ZMAT4: variants seen among roughly 807,000 people sequenced by gnomAD.
ZMAT4 encodes the protein zinc finger matrin-type protein 4.
In ZMAT4, 17 loss-of-function variants were observed where a neutral mutation model predicts 28.7. The observed-to-expected ratio is 0.59, with a 90% CI of 0.41 to 0.89. The LOEUF (loss-of-function observed/expected upper bound fraction) is 0.89. Ranked by LOEUF, ZMAT4 falls within the 40% of genes least tolerant of loss-of-function variation. The pLI is 0.00. For missense variants in ZMAT4, 240 were observed against 283.8 expected (o/e 0.85, Z 1.11); for synonymous variants, 117 against 109.2 (o/e 1.07, Z -0.44).
At chr8:40,684,411 C>A (rs1368921203) in intron 4 of ZMAT4, among the ~76,000 whole-genome samples, 1 of 152,220 alleles carries the variant, frequency 6.6e-6, no homozygotes, top group Non-Finnish European at 1.5e-5. Flanking sequence ...CACTGGCACT[C>A]CCAATGCCCA....
chr8:40,539,036 G>A (rs764209864), intron 6 of ZMAT4, among the ~76,000 whole-genome samples: 5 of 151,914 alleles, frequency 3.3e-5, no homozygotes, highest in African/African-American at 4.8e-5. Flanking sequence ...CACCCGCCTT[G>A]GCCTCCCAAA....
chr8:40,540,077 C>T (rs1367403690), intron 6 of ZMAT4, among the ~76,000 whole-genome samples: 1 of 152,194 alleles, frequency 6.6e-6, no homozygotes, highest in African/African-American at 2.4e-5. Context: ...CACCAAAGCT[C>T]AGTTGAGTGA....
chr8:40,559,932 C>A (rs1803678148), intron 6 of ZMAT4, among the ~76,000 whole-genome samples: 3 of 151,994 alleles, frequency 2.0e-5, no homozygotes, highest in Admixed American at 1.3e-4. Context: ...CCTTTGGGAT[C>A]AAACTTATGC....
intron 2 of ZMAT4, among the ~76,000 whole-genome samples, chr8:40,808,237 C>T (rs1445822860): frequency 6.8e-6 from 1 of 147,972 alleles, no homozygotes; most frequent in Middle Eastern, 3.2e-3. Flanking sequence ...TAATACTTTC[C>T]TTTCCCTTCA....
rs7830534 is a variant in ZMAT4 at position 40,614,629 on chromosome 8, T to C, written c.578-33368A>G. On this transcript the variant is annotated intron_variant, in intron 5 of 6. Coordinates refer to ENST00000297737, the MANE Select transcript of ZMAT4 (RefSeq NM_024645.3). ...TGCTCCTGTACTGGGTGCATATATA[T>C]TTAGGATAGTTAGCTCTTCTTGTTG... is the stretch of plus-strand genomic sequence containing the variant. 6.9e-3 allele frequency among the ~76,000 whole-genome samples: 1,057 copies of C among 152,360 alleles called. 9 individuals carry two copies. The highest frequency in any genetic ancestry group is 0.024 in the African/African-American group (985 of 41,582).
At chr8:40,658,436 C>T (rs1310771937) in intron 5 of ZMAT4, among the ~76,000 whole-genome samples, 1 of 151,968 alleles carries the variant, frequency 6.6e-6, no homozygotes, top group Non-Finnish European at 1.5e-5. Flanking sequence ...ATTCTGTTCC[C>T]CTGTGATGTG....
rs2150473179 is a variant in ZMAT4, at chr8:40,674,615, C to G, written c.577+89G>C. On this transcript the variant is annotated intron_variant, in intron 5 of 6. Coordinates refer to ENST00000297737, the MANE Select transcript of ZMAT4 (RefSeq NM_024645.3). Reference sequence around the variant, plus strand: ...CTCACTTTTTCCTTAATAATTAAAGCAAGAAGAAGAATCATTCCGATTTGT... The same window carrying G: ...CTCACTTTTTCCTTAATAATTAAAGGAAGAAGAAGAATCATTCCGATTTGT... The G allele has an allele frequency of 2.8e-6, 3 of 1,072,782 alleles. No individual in the cohort carries two copies. The East Asian group carries it at 7.2e-5, about 26-fold the overall frequency. The allele number at this position is 1,072,782 out of a possible 1,614,324, so 66.5% of individuals were successfully genotyped here.
intron 3 of ZMAT4, among the ~76,000 whole-genome samples, chr8:40,718,929 TC>T (rs1045840107): frequency 6.6e-6 from 1 of 152,118 alleles, no homozygotes; most frequent in Non-Finnish European, 1.5e-5. Context: ...TTTCCAAGGT[TC>T]CCCTGTGGCA....
chr8:40,711,213 AT>A (rs374258270), intron 3 of ZMAT4, among the ~76,000 whole-genome samples: 1 of 152,178 alleles, frequency 6.6e-6, no homozygotes, highest in African/African-American at 2.4e-5. Context: ...AGAATGAAGT[AT>A]TTTTTTCTGC....
intron 2 of ZMAT4, among the ~76,000 whole-genome samples, chr8:40,782,552 A>T (rs1813883407): frequency 6.6e-6 from 1 of 152,162 alleles, no homozygotes; most frequent in African/African-American, 2.4e-5. Flanking sequence ...CAAATATCTC[A>T]ATTAAAATCA....
intron 2 of ZMAT4, among the ~76,000 whole-genome samples, chr8:40,772,038 T>A (rs1280707798): frequency 6.6e-6 from 1 of 152,144 alleles, no homozygotes; most frequent in Admixed American, 6.6e-5. Context: ...AAAGAACCAT[T>A]ACATTAAGGG....
intron 5 of ZMAT4, among the ~76,000 whole-genome samples, chr8:40,621,910 G>A (rs1806214605): frequency 1.3e-5 from 2 of 152,136 alleles, no homozygotes; most frequent in Non-Finnish European, 1.5e-5. Context: ...TATTTCAGTT[G>A]TGGCAGAACT....
chr8:40,568,626 T>C (rs778961062), intron 6 of ZMAT4, among the ~76,000 whole-genome samples: 3 of 152,194 alleles, frequency 2.0e-5, no homozygotes, highest in Non-Finnish European at 4.4e-5. Context: ...TTATTGTTGT[T>C]GCTTTTGTTC....
chr8:40,750,384 C>G (rs370336184), intron 3 of ZMAT4, among the ~76,000 whole-genome samples: 37 of 152,158 alleles, frequency 2.4e-4, no homozygotes, highest in African/African-American at 7.9e-4. Context: ...AATAGGAAGA[C>G]AGCAAGCGTG....
chr8:40,576,449 C>T (rs1804266570), intron 6 of ZMAT4, among the ~76,000 whole-genome samples: 1 of 151,674 alleles, frequency 6.6e-6, no homozygotes, highest in Non-Finnish European at 1.5e-5. Context: ...GTAAGGGAAT[C>T]TCCATCAGAC....
intron 5 of ZMAT4, among the ~76,000 whole-genome samples, chr8:40,613,884 T>C (rs1326519032): frequency 1.3e-5 from 2 of 152,194 alleles, no homozygotes; most frequent in African/African-American, 4.8e-5. Context: ...TGGCTTTCCA[T>C]GTGGCCAATT....
At chr8:40,646,469 T>C (rs1807321152) in intron 5 of ZMAT4, among the ~76,000 whole-genome samples, 1 of 152,132 alleles carries the variant, frequency 6.6e-6, no homozygotes. Flanking sequence ...CTTTATGTGA[T>C]AGTTGTCAAT....
At position 40,821,894 on chromosome 8, in the gene ZMAT4, C is replaced by G. The variant is rs545365746; in HGVS notation, c.102+3681G>C. On this transcript the variant is annotated intron_variant, in intron 2 of 6. Coordinates refer to ENST00000297737, the MANE Select transcript of ZMAT4 (RefSeq NM_024645.3). ...CTCAATACTCCTTAAAGATAGATAC[C>G]AAGATTTTTCTCATTCCACTCGCCC... is the stretch of plus-strand genomic sequence containing the variant. 2.0e-5 allele frequency among the ~76,000 whole-genome samples: 3 copies of G among 152,226 alleles called. No individual in the cohort carries two copies. The East Asian group carries it at 5.8e-4, about 29-fold the overall frequency.
intron 5 of ZMAT4, among the ~76,000 whole-genome samples, chr8:40,625,422 A>G (rs1806337628): frequency 6.6e-6 from 1 of 152,128 alleles, no homozygotes; most frequent in African/African-American, 2.4e-5. Context: ...AAGAATATTT[A>G]GGAGGCTGTG....
Sources: gnomAD v4.1 joint callset for allele counts (sites outside exome capture counted in the v4.1 genomes callset) on GRCh38, gnomAD v4.1.1 for gene constraint, MANE v1.5 for transcripts, NCBI Gene and HGNC (gene_info 2026-07-23, HGNC 2026-07-21) for gene names.